The following MEGF11 variants were observed in gnomAD, a reference collection of about 807,000 sequenced individuals.
MEGF11 encodes the protein multiple epidermal growth factor-like domains protein 11.
Under a neutral mutation model 146.6 loss-of-function variants are expected in MEGF11, and 126 were observed. That is an observed-to-expected ratio of 0.86 (90% CI 0.74 to 1.00). The LOEUF (loss-of-function observed/expected upper bound fraction) is 1.00. MEGF11 is among the 50% of genes least tolerant of loss of function. The pLI, the probability that MEGF11 is intolerant of heterozygous loss-of-function variation, is 0.00. For missense variants in MEGF11, 1,509 were observed against 1,521.2 expected, an observed-to-expected ratio of 0.99 and a Z score of 0.13; for synonymous variants, 532 against 583.4, an observed-to-expected ratio of 0.91 and a Z score of 1.27.
intron 1 of MEGF11, among the ~76,000 whole-genome samples, chr15:66,136,797 G>A (rs528896486): frequency 6.6e-6 from 1 of 152,314 alleles, no homozygotes; most frequent in East Asian, 1.9e-4. Flanking sequence ...GGAGGCCAAG[G>A]CAGGCAGATC....
intron 1 of MEGF11, among the ~76,000 whole-genome samples, chr15:66,152,899 C>T (rs755961700): frequency 4.3e-4 from 65 of 152,196 alleles, no homozygotes; most frequent in Non-Finnish European, 7.1e-4. Flanking sequence ...CCCTCCCCGC[C>T]GAAGCCACCG....
At chr15:66,201,322 G>A (rs1356890106) in intron 1 of MEGF11, among the ~76,000 whole-genome samples, 1 of 152,096 alleles carries the variant, frequency 6.6e-6, no homozygotes, top group East Asian at 1.9e-4. Context: ...TCCTCCTGCA[G>A]AATGTGGGGC....
intron 1 of MEGF11, among the ~76,000 whole-genome samples, chr15:66,177,683 CTTTTTT>C (rs58849037): frequency 3.5e-5 from 5 of 142,186 alleles, no homozygotes; most frequent in African/African-American, 1.0e-4. Context: ...CCTTTTTCTT[CTTTTTT>C]TTTTTTTTTC....
chr15:66,108,021 T>G, intron 4 of MEGF11, among the ~76,000 whole-genome samples: 2 of 150,254 alleles, frequency 1.3e-5, no homozygotes, highest in Admixed American at 6.6e-5. Context: ...CCACACTGAG[T>G]TTTCAAGGAC....
At chr15:65,942,207 G>T (rs937021131) in intron 10 of MEGF11, among the ~76,000 whole-genome samples, 8 of 152,302 alleles carry the variant, frequency 5.3e-5, no homozygotes, top group Admixed American at 4.6e-4. Flanking sequence ...GGTTGGAAAT[G>T]ATGGGGACTC....
chr15:65,932,560 G>A (rs930071936), intron 10 of MEGF11, among the ~76,000 whole-genome samples: 6 of 152,134 alleles, frequency 3.9e-5, no homozygotes, highest in African/African-American at 1.2e-4. Flanking sequence ...ATCCAGGTAG[G>A]AAGAGGGTTG....
chr15:66,145,001 A>G (rs2089310400), intron 1 of MEGF11, among the ~76,000 whole-genome samples: 2 of 152,204 alleles, frequency 1.3e-5, no homozygotes, highest in Non-Finnish European at 2.9e-5. Flanking sequence ...AAGAGGAGTG[A>G]TGGCAGAGCA....
At chr15:66,223,577 G>A (rs2091783601) in intron 1 of MEGF11, among the ~76,000 whole-genome samples, 1 of 152,098 alleles carries the variant, frequency 6.6e-6, no homozygotes, top group Non-Finnish European at 1.5e-5. Flanking sequence ...ACCAAAATTA[G>A]CCAGGCGTGG....
At chr15:66,031,239 C>A (rs1372551326) in intron 5 of MEGF11, among the ~76,000 whole-genome samples, 2 of 152,198 alleles carry the variant, frequency 1.3e-5, no homozygotes, top group Non-Finnish European at 2.9e-5. Context: ...TAATTAACAT[C>A]TGATATGCCC....
intron 1 of MEGF11, among the ~76,000 whole-genome samples, chr15:66,218,343 C>T (rs1313471837): frequency 2.0e-5 from 3 of 152,216 alleles, no homozygotes; most frequent in Admixed American, 6.5e-5. Flanking sequence ...GCTGCCAACA[C>T]ACCCGCATGC....
intron 5 of MEGF11, among the ~76,000 whole-genome samples, chr15:66,024,158 C>T (rs148513901): frequency 6.6e-6 from 1 of 152,240 alleles, no homozygotes. Flanking sequence ...TCTCTGTACT[C>T]CTGGTACCCA....
chr15:66,208,408 C>A (rs558851371), intron 1 of MEGF11, among the ~76,000 whole-genome samples: 3 of 151,220 alleles, frequency 2.0e-5, no homozygotes, highest in Admixed American at 6.6e-5. Context: ...TTAAATAATC[C>A]CCAAGAAGAC....
chr15:66,191,041 G>C (rs1442740413), intron 1 of MEGF11, among the ~76,000 whole-genome samples: 1 of 152,086 alleles, frequency 6.6e-6, no homozygotes, highest in Non-Finnish European at 1.5e-5. Context: ...GACACAGCCC[G>C]GCTGGACTTC....
chr15:66,067,222 A>G (rs961521498), intron 5 of MEGF11, among the ~76,000 whole-genome samples: 5 of 152,118 alleles, frequency 3.3e-5, no homozygotes, highest in African/African-American at 1.2e-4. Context: ...GTTTGATGAC[A>G]CCTCAGATCC....
At chr15:66,164,435 A>G (rs1454545326) in intron 1 of MEGF11, among the ~76,000 whole-genome samples, 2 of 152,148 alleles carry the variant, frequency 1.3e-5, no homozygotes, top group African/African-American at 2.4e-5. Context: ...TATTAAACCA[A>G]GAGTTAGGAG....
At chr15:65,956,233 C>CA (rs2080632335) in intron 10 of MEGF11, among the ~76,000 whole-genome samples, 1 of 152,186 alleles carries the variant, frequency 6.6e-6, no homozygotes, top group Non-Finnish European at 1.5e-5. Context: ...GCGTCCTACT[C>CA]AAAGTGAGGA....
intron 9 of MEGF11, 95 bp downstream of exon 9, chr15:65,964,813 C>T (rs2080996965): frequency 2.5e-6 from 3 of 1,196,940 alleles, no homozygotes; most frequent in South Asian, 1.5e-5. Context: ...GCCTGGATGT[C>T]CATGCTAGAG....
At chr15:65,903,353 TA>T (rs2078540872) in intron 24 of MEGF11, among the ~76,000 whole-genome samples, 1 of 152,128 alleles carries the variant, frequency 6.6e-6, no homozygotes, top group Non-Finnish European at 1.5e-5. Flanking sequence ...ATCACTGTGC[TA>T]GGGGGAGAAG....
chr15:66,119,793 T>C (rs930874521), intron 3 of MEGF11, among the ~76,000 whole-genome samples: 3 of 152,074 alleles, frequency 2.0e-5, no homozygotes, highest in African/African-American at 7.2e-5. Context: ...CCCTTCACCC[T>C]GCAAAGGAAG....
Sources: allele counts gnomAD v4.1 joint callset (sites outside exome capture counted in the v4.1 genomes callset), GRCh38; gene constraint gnomAD v4.1.1; transcripts MANE v1.5; gene names NCBI Gene and HGNC (gene_info 2026-07-23, HGNC 2026-07-21).